PHRF1: variants seen among roughly 807,000 people sequenced by gnomAD.
PHRF1 encodes PHD and ring finger domains 1.
Under a neutral mutation model 128.9 loss-of-function variants are expected in PHRF1, and 53 were observed. The ratio of observed to expected loss-of-function variants is 0.41; its 90% CI spans 0.33 to 0.52. PHRF1 has a LOEUF of 0.52. Among genes scored for constraint, PHRF1 ranks in the 20% least tolerant of loss-of-function variants. PHRF1 has a pLI of 0.21. For missense variants in PHRF1, 2,503 were observed against 2,284.5 expected, an observed-to-expected ratio of 1.10 and a Z score of -1.95; for synonymous variants, 1,178 against 980.6, an observed-to-expected ratio of 1.20 and a Z score of -3.76.
At position 581,111 on chromosome 11, in the gene PHRF1, A is replaced by ATTTTT. The variant is rs111447606; in HGVS notation, c.-21-369_-21-365dup. Among the ~76,000 whole-genome samples, 64 of 143,956 alleles carry ATTTTT rather than the reference A, an allele frequency of 4.4e-4. 1 individual carries two copies. The South Asian group carries it at 9.3e-3, about 21-fold the overall frequency. The allele number at this position is 143,956 out of a possible 152,430, so 94.4% of individuals were successfully genotyped here. A position where few individuals can be genotyped will look rare whatever the true frequency, so the allele number is the denominator to read the frequency against. On this transcript the variant is annotated intron_variant, in intron 1 of 17. Transcript: ENST00000264555. ...AGTGCTGGGATTACAGGCGTGACCA[A>ATTTTT]TTTTTTTTTTTTTTTTAGTTAAAAA...
rs377434141 is a variant in PHRF1 at position 610,530 on chromosome 11, G to A, written c.4446G>A (p.Pro1482=). Residue 1482 remains proline (P), a synonymous_variant, in exon 16 of 18, where the codon CCG becomes CCA. Transcript: ENST00000264555. ...ACAGCCCCGGCCTGCCGCCTGCCCCGGCCCAGCCCTCAAGCATCCCACCCT... is the reference window on the plus strand; with the variant it reads ...ACAGCCCCGGCCTGCCGCCTGCCCCAGCCCAGCCCTCAAGCATCCCACCCT... ...QVYSPGLPPA[P]AQPSSIPPCA... is the part of the protein sequence containing the mutation. 320 of 1,605,006 alleles carry A rather than the reference G, an allele frequency of 2.0e-4. No homozygotes were observed. The highest frequency in any genetic ancestry group is 2.7e-4 in the East Asian group (12 of 44,834).
chr11:602,392 G>T (rs183188872), intron 10 of PHRF1, among the ~76,000 whole-genome samples: 4 of 152,118 alleles, frequency 2.6e-5, no homozygotes, highest in Non-Finnish European at 5.9e-5. Flanking sequence ...GTAAAAACTT[G>T]AATTACGGCC....
At chr11:596,759 G>T (rs1855303682) in intron 6 of PHRF1, among the ~76,000 whole-genome samples, 164 bp from the exon 7 acceptor site, 1 of 152,192 alleles carries the variant, frequency 6.6e-6, no homozygotes, top group Admixed American at 6.5e-5. Context: ...CACATTGGGG[G>T]TTAGGGCTTC....
chr11:610,185 C>CG lies in PHRF1; in HGVS notation c.4265-8dup, dbSNP rs1564872536. 4.7e-6 allele frequency: 7 copies of CG among 1,496,312 alleles called. No individual in the cohort carries two copies. Among genetic ancestry groups the CG allele is most frequent in the Non-Finnish European group, 6.3e-6 (7 of 1,117,170 alleles). 92.7% of individuals were successfully genotyped at this position (1,496,312 alleles called of 1,614,324 possible). A position where few individuals can be genotyped will look rare whatever the true frequency, so the allele number is the denominator to read the frequency against. On this transcript the variant is annotated splice_polypyrimidine_tract_variant and intron_variant, in intron 14 of 17. Coordinates refer to ENST00000264555, the MANE Select transcript of PHRF1 (RefSeq NM_001286581.2). ...ACAGAGCACCCACCTCCCTGTCTGT[C>CG]GGGCCCCCAGGGGCACCACTTCACA...
chr11:597,746 G>A lies in PHRF1; in HGVS notation c.894+176G>A, dbSNP rs900056358. Among the ~76,000 whole-genome samples the A allele has an allele frequency of 3.3e-5, 5 of 152,134 alleles. No individual in the cohort carries two copies. The highest frequency in any genetic ancestry group is 7.2e-5 in the African/African-American group (3 of 41,424). On this transcript the variant is annotated intron_variant, in intron 8 of 17. Transcript: ENST00000264555. This position sits in a 1 kb window ranked among gnomAD's most constrained non-coding sequence, Gnocchi z 6.5. ...GAGTGCACCCCAGGGTGACCCCAGC[G>A]GCCCAAGGTGGGGCTGCCTCTGAGC... is the stretch of plus-strand genomic sequence containing the variant.
intron 13 of PHRF1, 25 bp from the exon 14 acceptor site, chr11:607,041 T>C (rs1855989509): frequency 6.5e-7 from 1 of 1,537,158 alleles, no homozygotes; most frequent in Non-Finnish European, 8.8e-7. Context: ...GGGAAATGAT[T>C]GCCATTGACT....
At chr11:590,608 A>G (rs1854910622) in intron 4 of PHRF1, among the ~76,000 whole-genome samples, 1 of 152,230 alleles carries the variant, frequency 6.6e-6, no homozygotes, top group African/African-American at 2.4e-5. Flanking sequence ...GGTGTACCTT[A>G]ATAAAGCCAA....
At chr11:583,377 C>T (rs1029999645) in intron 3 of PHRF1, among the ~76,000 whole-genome samples, 4 of 151,304 alleles carry the variant, frequency 2.6e-5, no homozygotes, top group African/African-American at 4.9e-5. Context: ...ATTAGCCGGG[C>T]GTGGTGGTGC....
intron 1 of PHRF1, among the ~76,000 whole-genome samples, chr11:580,491 G>A (rs1298875668): frequency 1.3e-5 from 2 of 152,180 alleles, no homozygotes; most frequent in East Asian, 3.9e-4. Flanking sequence ...GGTACCACTG[G>A]GGACTCAGCA....
intron 6 of PHRF1, among the ~76,000 whole-genome samples, chr11:594,391 C>G (rs1030796654): frequency 9.8e-5 from 15 of 152,370 alleles, no homozygotes; most frequent in South Asian, 4.1e-4. Flanking sequence ...CGCACAAAGC[C>G]TGGTTTTCCT....
At chr11:590,378 A>G (rs950560101) in intron 4 of PHRF1, among the ~76,000 whole-genome samples, 2 of 152,188 alleles carry the variant, frequency 1.3e-5, no homozygotes, top group Non-Finnish European at 2.9e-5. Flanking sequence ...GTGTCTCTTC[A>G]GTGCTAGGGA....
intron 14 of PHRF1, among the ~76,000 whole-genome samples, 167 bp downstream of exon 14, chr11:609,887 C>T (rs1359300348): frequency 1.3e-5 from 2 of 151,768 alleles, no homozygotes; most frequent in Non-Finnish European, 1.5e-5. Context: ...CCCTGTGAAT[C>T]TGACTCCTGT....
chr11:587,585 G>A (rs1854646379), intron 4 of PHRF1, 121 bp downstream of exon 4: 2 of 1,009,826 alleles, frequency 2.0e-6, no homozygotes, highest in Non-Finnish European at 2.9e-6. Context: ...CTGACCCTGG[G>A]GCCACAGGAT....
At chr11:583,623 TG>T (rs1465995704) in intron 3 of PHRF1, among the ~76,000 whole-genome samples, 1 of 152,224 alleles carries the variant, frequency 6.6e-6, no homozygotes, top group Non-Finnish European at 1.5e-5. Context: ...CTGGGTGTGG[TG>T]GCCCAGGCCC....
chr11:601,709 T>G lies in PHRF1; in HGVS notation c.1152+8T>G, dbSNP rs999834169. ...AGAGGGAAGAAGGTAAAGGTGAGCA[T>G]TGGGTGGCAGGGCCTGAGTCTCCTG... On this transcript the variant is annotated splice_region_variant and intron_variant, in intron 10 of 17. Coordinates refer to ENST00000264555, the MANE Select transcript of PHRF1 (RefSeq NM_001286581.2). 7 of 1,613,458 alleles carry G rather than the reference T, an allele frequency of 4.3e-6. No individual in the cohort carries two copies. The highest frequency in any genetic ancestry group is 5.9e-6 in the Non-Finnish European group (7 of 1,179,752).
intron 15 of PHRF1, 43 bp from the exon 16 acceptor site, chr11:610,458 G>C: frequency 6.3e-7 from 1 of 1,578,302 alleles, no homozygotes; most frequent in East Asian, 2.3e-5. Context: ...GCACAGAGCT[G>C]CTAGCTGTAG....
intron 1 of PHRF1, among the ~76,000 whole-genome samples, chr11:579,343 C>T (rs201234343): frequency 1.3e-5 from 2 of 152,004 alleles, no homozygotes; most frequent in East Asian, 1.9e-4. Flanking sequence ...CTCCCTCTTT[C>T]AGATATGTTT....
rs777879027 is a variant in PHRF1 at position 605,302 on chromosome 11, T to C, written c.1334+2T>C. 6.2e-7 allele frequency: 1 copy of C among 1,612,232 alleles called. No homozygotes were observed. The highest frequency in any genetic ancestry group is 1.3e-5 in the African/African-American group (1 of 74,898). ...TTATGAGCTGGATCCCTTCGACAGG[T>C]GAGTGAACTGGTGATGGTCCTGCCT... On this transcript the variant is annotated splice_donor_variant, in intron 11 of 17. Transcript: ENST00000264555. LOFTEE classifies it high-confidence loss of function.
At position 608,699 on chromosome 11, in the gene PHRF1, C is replaced by T. The variant is rs1384639719; in HGVS notation, c.3243C>T (p.Pro1081=). The change falls in exon 14 of 18, where the codon CCC becomes CCT. Residue 1081 remains proline, a synonymous_variant. Transcript: ENST00000264555. ...KDKSREHRRG[P]WGHSRRTSRS... ...AGAGCAGGGAGCACAGGCGGGGCCC[C>T]TGGGGCCACAGCCGGAGGACGTCCC... is the stretch of plus-strand genomic sequence containing the variant. 1 of 1,610,796 alleles carries T rather than the reference C, an allele frequency of 6.2e-7. No homozygotes were observed. The highest frequency in any genetic ancestry group is 8.5e-7 in the Non-Finnish European group (1 of 1,179,344).
Sources: gnomAD v4.1 joint callset for allele counts (sites outside exome capture counted in the v4.1 genomes callset) on GRCh38, gnomAD v4.1.1 for gene constraint, Gnocchi (gnomAD v3.1) non-coding constraint, MANE v1.5 for transcripts, NCBI Gene and HGNC (gene_info 2026-07-23, HGNC 2026-07-21) for gene names.